The following DCC variants were observed in gnomAD, a reference collection of about 807,000 sequenced individuals.
DCC encodes netrin receptor DCC.
Under a neutral mutation model 172.5 loss-of-function variants are expected in DCC, and 58 were observed. That is an observed-to-expected ratio of 0.34 (90% CI 0.27 to 0.42). DCC has a LOEUF of 0.42. Among genes scored for constraint, DCC ranks in the 10% least tolerant of loss-of-function variants. DCC has a pLI of 1.00. For missense variants in DCC, 1,740 were observed against 1,791.0 expected, an observed-to-expected ratio of 0.97 and a Z score of 0.51; for synonymous variants, 709 against 644.5, an observed-to-expected ratio of 1.10 and a Z score of -1.52.
At chr18:52,435,635 T>C (rs1333343729) in intron 1 of DCC, among the ~76,000 whole-genome samples, 1 of 152,200 alleles carries the variant, frequency 6.6e-6, no homozygotes, top group Non-Finnish European at 1.5e-5. Context: ...TCCACCTTCC[T>C]GGCCTTTCCT....
At chr18:53,417,143 T>G (rs917827764) in intron 21 of DCC, among the ~76,000 whole-genome samples, 7 of 152,320 alleles carry the variant, frequency 4.6e-5, no homozygotes, top group Admixed American at 4.6e-4. Context: ...GGGAATGCTT[T>G]CTTTCAACAG....
chr18:52,626,497 A>C (rs2034576140), intron 1 of DCC, among the ~76,000 whole-genome samples: 1 of 152,034 alleles, frequency 6.6e-6, no homozygotes, highest in African/African-American at 2.4e-5. Context: ...TACAAAAACC[A>C]GAGTGATCTT....
chr18:53,181,337 T>C (rs936884821), intron 9 of DCC, among the ~76,000 whole-genome samples: 8 of 152,160 alleles, frequency 5.3e-5, no homozygotes, highest in African/African-American at 1.2e-4. Context: ...GCATTTTTTT[T>C]CCCCTTGATC....
intron 2 of DCC, among the ~76,000 whole-genome samples, chr18:52,868,369 A>G (rs1261784591): frequency 6.6e-6 from 1 of 152,174 alleles, no homozygotes; most frequent in African/African-American, 2.4e-5. Context: ...GTAGGCTAAG[A>G]TTGCCAAAGT....
chr18:52,782,684 A>G (rs1436700995), intron 2 of DCC, among the ~76,000 whole-genome samples: 1 of 151,934 alleles, frequency 6.6e-6, no homozygotes, highest in Non-Finnish European at 1.5e-5. Flanking sequence ...CATGCTTGTG[A>G]CTGGCTGAAC....
intron 1 of DCC, among the ~76,000 whole-genome samples, chr18:52,631,885 C>T (rs941536309): frequency 2.0e-5 from 3 of 152,176 alleles, no homozygotes; most frequent in Admixed American, 6.5e-5. Flanking sequence ...CTTTGGAAAG[C>T]GCAGTCTTGT....
chr18:52,381,547 G>A (rs919153443), intron 1 of DCC, among the ~76,000 whole-genome samples: 1 of 152,056 alleles, frequency 6.6e-6, no homozygotes, highest in African/African-American at 2.4e-5. Flanking sequence ...CTATGCCTAT[G>A]TTATGTACTC....
rs1984408248 is a variant in DCC at position 52,357,201 on chromosome 18, C to A, written c.91+16323C>A. ...AAAAAATGCCACCTAGCACTCAGATCTTGATTTCTAATACCATTCTCCAAT... is the reference window on the plus strand; with the variant it reads ...AAAAAATGCCACCTAGCACTCAGATATTGATTTCTAATACCATTCTCCAAT... On this transcript the variant is annotated intron_variant, in intron 1 of 28. Coordinates refer to ENST00000442544, the MANE Select transcript of DCC (RefSeq NM_005215.4). Among the ~76,000 whole-genome samples, 4 of 152,192 alleles carry A rather than the reference C, an allele frequency of 2.6e-5. No homozygotes were observed. The South Asian group carries it at 8.3e-4, about 32-fold the overall frequency.
intron 2 of DCC, among the ~76,000 whole-genome samples, chr18:52,782,699 A>G (rs867614650): frequency 1.3e-5 from 2 of 151,910 alleles, no homozygotes; most frequent in Non-Finnish European, 2.9e-5. Flanking sequence ...CTGAACCTGG[A>G]TCAATTGCTC....
At chr18:52,974,383 T>G (rs2041079230) in intron 5 of DCC, among the ~76,000 whole-genome samples, 3 of 152,196 alleles carry the variant, frequency 2.0e-5, no homozygotes. Flanking sequence ...AAGCTATTAA[T>G]GAAATGTTGA....
intron 1 of DCC, among the ~76,000 whole-genome samples, chr18:52,671,042 T>C (rs759811044): frequency 3.9e-5 from 6 of 152,168 alleles, no homozygotes; most frequent in Non-Finnish European, 7.3e-5. Flanking sequence ...CATGTTGTCA[T>C]TGGAAGCAGC....
At chr18:52,807,922 C>T (rs1485493343) in intron 2 of DCC, among the ~76,000 whole-genome samples, 2 of 152,300 alleles carry the variant, frequency 1.3e-5, no homozygotes, top group East Asian at 3.9e-4. Flanking sequence ...ATTCACTGGT[C>T]GTTTGGTCCA....
At chr18:53,465,667 A>AT (rs1455665210) in intron 24 of DCC, among the ~76,000 whole-genome samples, 5 of 151,982 alleles carry the variant, frequency 3.3e-5, no homozygotes, top group African/African-American at 1.2e-4. Flanking sequence ...TTCTTTAAAT[A>AT]TTTTTCAGTT....
At chr18:53,448,108 G>A (rs1029104121) in intron 22 of DCC, among the ~76,000 whole-genome samples, 5 of 137,400 alleles carry the variant, frequency 3.6e-5, no homozygotes, top group African/African-American at 8.3e-5. Context: ...GTCAAAAGAC[G>A]TCATTTCAGT....
chr18:53,394,688 T>A (rs182320217), intron 17 of DCC, among the ~76,000 whole-genome samples: 22 of 152,238 alleles, frequency 1.4e-4, no homozygotes, highest in Middle Eastern at 6.8e-3. Flanking sequence ...TAACACATGC[T>A]TAAAATTACA....
chr18:53,367,731 T>C (rs960621070), intron 15 of DCC, among the ~76,000 whole-genome samples: 2 of 152,144 alleles, frequency 1.3e-5, no homozygotes, highest in African/African-American at 2.4e-5. Flanking sequence ...ATCTCTATGA[T>C]TTTGACTACT....
intron 12 of DCC, among the ~76,000 whole-genome samples, chr18:53,294,535 G>A (rs1174712861): frequency 6.6e-6 from 1 of 152,194 alleles, no homozygotes; most frequent in Non-Finnish European, 1.5e-5. Context: ...AAGGGTGGGT[G>A]TATTTTGGAA....
At chr18:53,339,683 A>T (rs546187422) in intron 14 of DCC, 30 bp from the exon 15 acceptor site, 6 of 1,575,038 alleles carry the variant, frequency 3.8e-6, no homozygotes, top group Non-Finnish European at 1.7e-6. Context: ...GTTATGAGAC[A>T]TGCTGATGAT....
chr18:53,000,230 A>C (rs2041543227), intron 5 of DCC, among the ~76,000 whole-genome samples: 1 of 152,088 alleles, frequency 6.6e-6, no homozygotes, highest in Non-Finnish European at 1.5e-5. Flanking sequence ...TAATCAGTTC[A>C]GGTTCTTATT....
Sources: gnomAD v4.1 joint callset for allele counts (sites outside exome capture counted in the v4.1 genomes callset) on GRCh38, gnomAD v4.1.1 for gene constraint, MANE v1.5 for transcripts, NCBI Gene and HGNC (gene_info 2026-07-23, HGNC 2026-07-21) for gene names.